The following MMRN1 variants were observed in gnomAD, a reference collection of about 807,000 sequenced individuals.
MMRN1 encodes multimerin-1.
Under a neutral mutation model 100.7 loss-of-function variants are expected in MMRN1, and 94 were observed. The ratio of observed to expected loss-of-function variants is 0.93; its 90% CI spans 0.79 to 1.11. The LOEUF (loss-of-function observed/expected upper bound fraction) is 1.11. Ranked by LOEUF, MMRN1 falls within the 50% of genes least tolerant of loss-of-function variation. MMRN1 has a pLI of 0.00. For synonymous variants in MMRN1, 575 were observed against 505.0 expected, an observed-to-expected ratio of 1.14 and a Z score of -1.86; for missense variants, 1,606 against 1,439.1, an observed-to-expected ratio of 1.12 and a Z score of -1.88.
intron 6 of MMRN1, among the ~76,000 whole-genome samples, chr4:89,941,685 C>T (rs557031348): frequency 1.6e-4 from 25 of 152,182 alleles, no homozygotes; most frequent in African/African-American, 5.3e-4. Flanking sequence ...GTCAAGTTCC[C>T]AGATGCTAAC....
Position 89,895,113 on chromosome 4 carries a change from A to G in MMRN1, c.142A>G (p.Lys48Glu), listed in dbSNP as rs779736806. The change falls in exon 1 of 8, where the codon AAA becomes GAA. Residue 48 changes from lysine (K) to glutamate (E), a missense_variant. By Grantham distance (56) the Lys-to-Glu change is moderately conservative (BLOSUM62 1). Coordinates refer to ENST00000264790, the MANE Select transcript of MMRN1 (RefSeq NM_007351.3). ...TMPSASVPPN[K>E]IQSLQILPTT... ...GCCTTCTGCTTCAGTTCCTCCAAAT[A>G]AAATACAAAGTTTGCAAATACTGCC... is the stretch of plus-strand genomic sequence containing the variant. 4 of 1,613,888 alleles carry G rather than the reference A, an allele frequency of 2.5e-6. No individual in the cohort carries two copies. In the South Asian group the frequency reaches 4.4e-5, roughly 18 times the overall value.
At chr4:89,885,210 T>G (rs997117982) in intron 1 of MMRN1, among the ~76,000 whole-genome samples, 41 of 151,658 alleles carry the variant, frequency 2.7e-4, no homozygotes, top group Admixed American at 5.3e-4. Context: ...CTCTCTTTCT[T>G]TCATTCATTC....
intron 6 of MMRN1, among the ~76,000 whole-genome samples, chr4:89,940,992 TAA>T (rs1163800306): frequency 6.6e-6 from 1 of 152,124 alleles, no homozygotes; most frequent in African/African-American, 2.4e-5. Context: ...ATACAAAATA[TAA>T]AGACTGTGTA....
chr4:89,929,866 C>T (rs1722381758), intron 5 of MMRN1, among the ~76,000 whole-genome samples: 1 of 152,062 alleles, frequency 6.6e-6, no homozygotes, highest in Admixed American at 6.6e-5. Context: ...ACTTTACATC[C>T]AAGGTGAAAA....
At position 89,896,963 on chromosome 4, in the gene MMRN1, A is replaced by T. The variant is rs1014778942; in HGVS notation, c.623+1369A>T. Among the ~76,000 whole-genome samples the T allele has an allele frequency of 2.0e-5, 3 of 152,128 alleles. No homozygotes were observed. In the East Asian group the frequency reaches 5.8e-4, roughly 29 times the overall value. On this transcript the variant is annotated intron_variant, in intron 1 of 7. Transcript: ENST00000264790. ...AATATGTTCACTTTGGGACAAGTAG[A>T]TTTGCCATTAAAAAAACATTTAACA...
intron 3 of MMRN1, among the ~76,000 whole-genome samples, chr4:89,915,450 G>T (rs1721881697): frequency 1.3e-5 from 2 of 151,544 alleles, no homozygotes; most frequent in Non-Finnish European, 1.5e-5. Flanking sequence ...CTGGAAATCT[G>T]TCTCCTCAAG....
chr4:89,950,012 G>A (rs920428861), intron 6 of MMRN1, among the ~76,000 whole-genome samples: 23 of 152,142 alleles, frequency 1.5e-4, no homozygotes, highest in African/African-American at 5.6e-4. Flanking sequence ...TAGTATAAGC[G>A]CTGAATTCTT....
At chr4:89,942,381 A>G (rs1722860863) in intron 6 of MMRN1, among the ~76,000 whole-genome samples, 1 of 152,226 alleles carries the variant, frequency 6.6e-6, no homozygotes, top group Admixed American at 6.5e-5. Flanking sequence ...TTGATTATCA[A>G]ACATGAAAAG....
intron 1 of MMRN1, among the ~76,000 whole-genome samples, chr4:89,902,503 G>A (rs1006335948): frequency 6.6e-6 from 1 of 151,780 alleles, no homozygotes; most frequent in African/African-American, 2.4e-5. Flanking sequence ...AAATAGGTTG[G>A]ATCCAAACAG....
rs950845283 is a variant in MMRN1 at position 89,885,179 on chromosome 4, TTCTGTC to T, written c.-249+5587_-249+5592del. 2.0e-5 allele frequency among the ~76,000 whole-genome samples: 3 copies of T among 151,444 alleles called. No homozygotes were observed. The South Asian group carries it at 6.3e-4, about 32-fold the overall frequency. ...CTTTTTTCCTTTCTCTCTTTCTCTT[TTCTGTC>T]TCTGTCTCTACTTTCTCTCTTTCTT... On this transcript the variant is annotated intron_variant, in intron 1 of 8. Coordinates refer to the MMRN1 transcript ENST00000394980.
chr4:89,946,176 T>G (rs2110651492), intron 6 of MMRN1, among the ~76,000 whole-genome samples: 1 of 152,272 alleles, frequency 6.6e-6, no homozygotes, highest in Admixed American at 6.5e-5. Context: ...AATGAAAACA[T>G]TTTACAGAGC....
At chr4:89,910,464 T>C (rs920467720) in intron 2 of MMRN1, among the ~76,000 whole-genome samples, 12 of 151,476 alleles carry the variant, frequency 7.9e-5, no homozygotes, top group Admixed American at 2.6e-4. Flanking sequence ...TTATGCCTTC[T>C]GAGTGGGTGC....
intron 6 of MMRN1, 52 bp from the exon 7 acceptor site, chr4:89,951,553 A>T: frequency 2.1e-6 from 3 of 1,430,422 alleles, no homozygotes; most frequent in Non-Finnish European, 2.8e-6. Context: ...TGAGATCAAC[A>T]GGAAAATAGG....
rs1054665346 is a variant in MMRN1, at chr4:89,883,879, A to G, written c.-249+4277A>G. Among the ~76,000 whole-genome samples the G allele has an allele frequency of 2.0e-4, 30 of 152,124 alleles. 1 individual carries two copies. Among genetic ancestry groups the G allele is most frequent in the Admixed American group, 1.4e-3 (21 of 15,252 alleles). ...TACAAGGTGTATGGTTTTAATGTTT[A>G]TATTTAAATCTATGAAACATCTCAA... On this transcript the variant is annotated intron_variant, in intron 1 of 8. Transcript: ENST00000394980.
intron 1 of MMRN1, among the ~76,000 whole-genome samples, chr4:89,881,410 C>A (rs1274816027): frequency 6.6e-6 from 1 of 152,006 alleles, no homozygotes. Flanking sequence ...AAAATCTCCA[C>A]AAGTTGAGAA....
chr4:89,945,313 A>T (rs1019488565), intron 6 of MMRN1, among the ~76,000 whole-genome samples: 4 of 152,172 alleles, frequency 2.6e-5, no homozygotes, highest in Admixed American at 2.0e-4. Context: ...AAACATTCAC[A>T]TACAGGTTTT....
chr4:89,951,645 G>C lies in MMRN1; in HGVS notation c.3159G>C (p.Gly1053=). 6.4e-7 allele frequency: 1 copy of C among 1,553,916 alleles called. No individual in the cohort carries two copies. The highest frequency in any genetic ancestry group is 8.7e-7 in the Non-Finnish European group (1 of 1,155,066). Residue 1053 remains glycine (G), a synonymous_variant, in exon 7 of 8, where the codon GGG becomes GGC. Transcript: ENST00000264790. ...GTAGTCGGCATCCGTGCCAAAATGG[G>C]GGCACGTGCATAAATGGAAGAACTA... is the stretch of plus-strand genomic sequence containing the variant. ...SSCSRHPCQN[G]GTCINGRTSF...
chr4:89,893,135 C>T (rs903965462), upstream of MMRN1, among the ~76,000 whole-genome samples: 2 of 151,884 alleles, frequency 1.3e-5, no homozygotes, highest in African/African-American at 4.8e-5. Flanking sequence ...AGTTTCATTG[C>T]TCTTTTGCTC....
intron 1 of MMRN1, among the ~76,000 whole-genome samples, chr4:89,898,539 C>A (rs752102460): frequency 1.1e-4 from 16 of 151,742 alleles, no homozygotes; most frequent in Non-Finnish European, 1.6e-4. Flanking sequence ...TTGGTTGCCT[C>A]CAGAATACAA....
Sources: allele counts gnomAD v4.1 joint callset (sites outside exome capture counted in the v4.1 genomes callset), GRCh38; gene constraint gnomAD v4.1.1; transcripts MANE v1.5; gene names NCBI Gene and HGNC (gene_info 2026-07-23, HGNC 2026-07-21).